RUFY3: variants seen among roughly 807,000 people sequenced by gnomAD.
The protein encoded by RUFY3 is protein RUFY3.
In RUFY3, 34 loss-of-function variants were observed where a neutral mutation model predicts 84.0. The observed-to-expected ratio is 0.40, with a 90% CI of 0.31 to 0.54. The LOEUF is 0.54. Among genes scored for constraint, RUFY3 ranks in the 20% least tolerant of loss-of-function variants. RUFY3 has a pLI of 0.39. For synonymous variants in RUFY3, 242 were observed against 252.9 expected (o/e 0.96, Z 0.41); for missense variants, 507 against 736.8 (o/e 0.69, Z 3.61).
intron 2 of RUFY3, 59 bp from the exon 3 acceptor site, chr4:70,763,493 T>G: frequency 1.5e-6 from 2 of 1,328,932 alleles, no homozygotes; most frequent in Non-Finnish European, 2.1e-6. Flanking sequence ...GTGTGTGTAT[T>G]GAGAGTGCGC....
chr4:70,705,664 G>GGTCCCGGGCTGGGAACC (rs1740231612), intron 1 of RUFY3, among the ~76,000 whole-genome samples: 1 of 152,142 alleles, frequency 6.6e-6, no homozygotes, highest in Non-Finnish European at 1.5e-5. Flanking sequence ...CCCTGTCCCG[G>GGTCCCGGGCTGGGAACC]GTCCCGGGCT....
intron 14 of RUFY3, among the ~76,000 whole-genome samples, chr4:70,798,425 G>A (rs557436131): frequency 1.3e-5 from 2 of 152,136 alleles, no homozygotes; most frequent in South Asian, 2.1e-4. Flanking sequence ...GGCAGCAGTC[G>A]AAGGCGGGCA....
At chr4:70,704,017 G>A (rs964153747), upstream of RUFY3, 2 of 152,198 alleles carry the variant, frequency 1.3e-5, no homozygotes, top group African/African-American at 4.8e-5. Context: ...GGGAATTACT[G>A]GATCAGTAAT....
intron 1 of RUFY3, among the ~76,000 whole-genome samples, chr4:70,747,030 C>A (rs910081251): frequency 1.3e-5 from 2 of 152,146 alleles, no homozygotes; most frequent in Non-Finnish European, 2.9e-5. Flanking sequence ...TACAGTTTTG[C>A]AAGATACCCT....
At chr4:70,705,333 G>A (rs1740161892) in intron 1 of RUFY3, 1 of 1,306,944 alleles carries the variant, frequency 7.7e-7, no homozygotes, top group South Asian at 2.0e-5. Context: ...CGCGGGGAAG[G>A]GAGCATTCGG....
At chr4:70,789,629 T>A (rs749246648) in intron 12 of RUFY3, 37 bp downstream of exon 12, 1 of 1,603,198 alleles carries the variant, frequency 6.2e-7, no homozygotes, top group African/African-American at 1.3e-5. Flanking sequence ...CACTTTGGAT[T>A]GTCAGTGCTG....
rs1343691725 is a variant in RUFY3 at position 70,726,978 on chromosome 4, CCT to C, written c.178+4231_178+4232del. 2.7e-5 allele frequency among the ~76,000 whole-genome samples: 4 copies of C among 146,930 alleles called. No individual in the cohort carries two copies. In the East Asian group the frequency reaches 7.7e-4, roughly 28 times the overall value. ...GAAACATGTACCACCATTGAAATAA[CCT>C]CTCAGACTTTTGTTTGTTTGTTTGT... On this transcript the variant is annotated intron_variant, in intron 1 of 17. Transcript: ENST00000381006.
intron 17 of RUFY3, 102 bp from the exon 18 acceptor site, chr4:70,806,414 T>G: frequency 3.1e-6 from 4 of 1,302,750 alleles, no homozygotes; most frequent in Non-Finnish European, 4.3e-6. Flanking sequence ...CAGTCATTGT[T>G]TGATTAGGCA....
At chr4:70,793,636 T>A (rs1731138168) in intron 12 of RUFY3, 149 bp from the exon 13 acceptor site, 4 of 1,500,816 alleles carry the variant, frequency 2.7e-6, no homozygotes, top group Non-Finnish European at 3.6e-6. Flanking sequence ...CCCCCATAAT[T>A]TCTTCACCTG....
At chr4:70,779,071 T>A (rs2148760602) in intron 8 of RUFY3, among the ~76,000 whole-genome samples, 1 of 152,354 alleles carries the variant, frequency 6.6e-6, no homozygotes, top group Non-Finnish European at 1.5e-5. Context: ...TCAGTAAGCG[T>A]TTCACACAGT....
At chr4:70,767,644 T>C (rs1726201078) in intron 4 of RUFY3, among the ~76,000 whole-genome samples, 1 of 152,080 alleles carries the variant, frequency 6.6e-6, no homozygotes, top group African/African-American at 2.4e-5. Context: ...GTAATTTAGG[T>C]GCATTATAAG....
At chr4:70,804,949 C>T (rs1560581570) in intron 17 of RUFY3, among the ~76,000 whole-genome samples, 2 of 151,842 alleles carry the variant, frequency 1.3e-5, no homozygotes, top group Non-Finnish European at 2.9e-5. Context: ...AATAAACAAA[C>T]AAAAATAATT....
At chr4:70,800,258 G>A (rs1560575972) in intron 15 of RUFY3, 53 bp downstream of exon 15, 1 of 1,428,052 alleles carries the variant, frequency 7.0e-7, no homozygotes, top group Middle Eastern at 1.9e-4. Flanking sequence ...GGGGTGGTGG[G>A]AAGGAGGGAG....
At chr4:70,757,116 A>C (rs1384128284) in intron 1 of RUFY3, among the ~76,000 whole-genome samples, 6 of 151,904 alleles carry the variant, frequency 3.9e-5, no homozygotes, top group Non-Finnish European at 7.4e-5. Flanking sequence ...CAAAAAATAA[A>C]AAAAAAATTA....
intron 1 of RUFY3, among the ~76,000 whole-genome samples, chr4:70,760,995 A>T (rs1157378548): frequency 1.3e-5 from 2 of 152,218 alleles, no homozygotes; most frequent in African/African-American, 4.8e-5. Flanking sequence ...AAAACCTTGT[A>T]TGAAGAAAAT....
chr4:70,798,237 C>T (rs962708847), intron 14 of RUFY3, among the ~76,000 whole-genome samples: 1 of 151,324 alleles, frequency 6.6e-6, no homozygotes, highest in Non-Finnish European at 1.5e-5. Flanking sequence ...GGTGTGGTGG[C>T]TCGTGCCTAT....
intron 14 of RUFY3, among the ~76,000 whole-genome samples, chr4:70,797,009 T>G (rs1731606663): frequency 6.6e-6 from 1 of 151,472 alleles, no homozygotes; most frequent in Admixed American, 6.6e-5. Flanking sequence ...GGCACAATCA[T>G]GCCTCACTGC....
chr4:70,724,301 G>GA (rs1276527225), intron 1 of RUFY3, among the ~76,000 whole-genome samples: 2 of 152,098 alleles, frequency 1.3e-5, no homozygotes, highest in East Asian at 1.9e-4. Flanking sequence ...TATTTTGTTT[G>GA]AAAAAAATGT....
chr4:70,795,021 T>C (rs973390536), intron 14 of RUFY3, 127 bp downstream of exon 14: 9 of 659,766 alleles, frequency 1.4e-5, no homozygotes, highest in African/African-American at 9.2e-5. Flanking sequence ...AGTATGTAGA[T>C]AGCAAACTAG....
Sources: gnomAD v4.1 joint callset for allele counts (sites outside exome capture counted in the v4.1 genomes callset) on GRCh38, gnomAD v4.1.1 for gene constraint, MANE v1.5 for transcripts, NCBI Gene and HGNC (gene_info 2026-07-23, HGNC 2026-07-21) for gene names.